Variants in CCDC186 observed in about 807,000 individuals in gnomAD.
CCDC186 encodes coiled-coil domain containing 186, also known as coiled-coil domain-containing protein 186.
Under a neutral mutation model 113.7 loss-of-function variants are expected in CCDC186, and 49 were observed. The ratio of observed to expected loss-of-function variants is 0.43; its 90% CI spans 0.34 to 0.55. The LOEUF (loss-of-function observed/expected upper bound fraction) is 0.55. Among genes scored for constraint, CCDC186 ranks in the 20% least tolerant of loss-of-function variants. The pLI is 0.02. For synonymous variants in CCDC186, 355 were observed against 345.8 expected, an observed-to-expected ratio of 1.03 and a Z score of -0.30; for missense variants, 890 against 1,011.1, an observed-to-expected ratio of 0.88 and a Z score of 1.62.
At chr10:114,133,692 A>G (rs757290119) in intron 10 of CCDC186, among the ~76,000 whole-genome samples, 1 of 152,212 alleles carries the variant, frequency 6.6e-6, no homozygotes. Context: ...TTAAAAGATG[A>G]TAAGAATTCA....
chr10:114,145,805 C>A, intron 4 of CCDC186, 44 bp from the exon 5 acceptor site: 1 of 1,502,366 alleles, frequency 6.7e-7, no homozygotes, highest in South Asian at 1.3e-5. Context: ...AATAATGTTT[C>A]AAATGGAAAT....
chr10:114,151,049 C>T (rs1238162011), intron 4 of CCDC186, 43 bp downstream of exon 4: 1 of 1,601,986 alleles, frequency 6.2e-7, no homozygotes, highest in Non-Finnish European at 8.5e-7. Flanking sequence ...AAACAAGAGT[C>T]ACCAGAATAT....
chr10:114,145,974 T>C (rs555649277), intron 4 of CCDC186, among the ~76,000 whole-genome samples: 1 of 152,334 alleles, frequency 6.6e-6, no homozygotes, highest in African/African-American at 2.4e-5. Flanking sequence ...CTTTACCCTT[T>C]CCTGTTCCTT....
chr10:114,165,685 G>A (rs978545177), intron 1 of CCDC186, among the ~76,000 whole-genome samples: 6 of 151,346 alleles, frequency 4.0e-5, no homozygotes, highest in African/African-American at 1.5e-4. Flanking sequence ...GCGAGACTCT[G>A]TCTCAAAAAA....
intron 3 of CCDC186, among the ~76,000 whole-genome samples, chr10:114,156,590 G>A (rs181937472): frequency 6.6e-6 from 1 of 152,226 alleles, no homozygotes; most frequent in African/African-American, 2.4e-5. Flanking sequence ...GCTGGGTGTG[G>A]TTGGTGGCCG....
At chr10:114,125,265 CAA>C in intron 15 of CCDC186, 39 bp from the exon 16 acceptor site, 1 of 1,415,646 alleles carries the variant, frequency 7.1e-7, no homozygotes, top group Non-Finnish European at 9.8e-7. Flanking sequence ...AAGAGAAAAA[CAA>C]AAGTATAATA....
chr10:114,128,435 C>T (rs1350818688), intron 13 of CCDC186, among the ~76,000 whole-genome samples: 1 of 152,190 alleles, frequency 6.6e-6, no homozygotes, highest in East Asian at 1.9e-4. Context: ...CTTTCTACTA[C>T]ACATTTTTTC....
intron 3 of CCDC186, among the ~76,000 whole-genome samples, chr10:114,156,835 T>G (rs943212560): frequency 1.3e-5 from 2 of 152,028 alleles, no homozygotes; most frequent in African/African-American, 4.8e-5. Context: ...CACAATATAG[T>G]TTTTAAAAAT....
chr10:114,163,099 T>C lies in CCDC186; in HGVS notation c.170A>G (p.Asn57Ser). The change falls in exon 2 of 16, where the codon AAT becomes AGT. Residue 57 changes from asparagine (N) to serine (S), a missense_variant. By Grantham distance (46) the Asn-to-Ser change is conservative. Transcript: ENST00000369287. ...LNTDKTLCQP[N>S]EHNNRIEAQE... ...GGCTTCAATTCGATTATTATGCTCATTAGGTTGACATAAAGTTTTATCAGT... is the reference window on the plus strand; with the variant it reads ...GGCTTCAATTCGATTATTATGCTCACTAGGTTGACATAAAGTTTTATCAGT... 6.2e-7 allele frequency: 1 copy of C among 1,614,042 alleles called. No individual in the cohort carries two copies. Among genetic ancestry groups the C allele is most frequent in the Non-Finnish European group, 8.5e-7 (1 of 1,179,952 alleles).
chr10:114,164,110 A>ATTTT (rs1218024203), intron 1 of CCDC186, among the ~76,000 whole-genome samples: 5 of 103,402 alleles, frequency 4.8e-5, no homozygotes, highest in African/African-American at 1.9e-4. Context: ...GTGTATATAT[A>ATTTT]TATATTTTTT....
intron 1 of CCDC186, among the ~76,000 whole-genome samples, chr10:114,173,587 A>T (rs2119819959): frequency 6.6e-6 from 1 of 152,344 alleles, no homozygotes; most frequent in East Asian, 1.9e-4. Flanking sequence ...TCACAACAGT[A>T]AATATAAAAC....
chr10:114,144,437 A>G, intron 6 of CCDC186, 60 bp downstream of exon 6: 2 of 1,553,540 alleles, frequency 1.3e-6, no homozygotes, highest in Non-Finnish European at 1.7e-6. Context: ...AAAAACAAAA[A>G]CAAAAACAAA....
intron 4 of CCDC186, among the ~76,000 whole-genome samples, chr10:114,147,912 T>C (rs978667445): frequency 6.6e-6 from 1 of 152,108 alleles, no homozygotes; most frequent in Non-Finnish European, 1.5e-5. Context: ...GCAGATCGCC[T>C]GAGCCCAGGA....
intron 6 of CCDC186, among the ~76,000 whole-genome samples, chr10:114,144,000 T>A (rs2031556485): frequency 6.6e-6 from 1 of 152,050 alleles, no homozygotes; most frequent in Admixed American, 6.6e-5. Context: ...TGGAGTCATA[T>A]TTATAAAAAA....
At chr10:114,167,039 A>T (rs1324681011) in intron 1 of CCDC186, among the ~76,000 whole-genome samples, 7 of 119,226 alleles carry the variant, frequency 5.9e-5, no homozygotes, top group Admixed American at 8.9e-5. Flanking sequence ...TTTTTTTTTT[A>T]AAGATGGAGT....
chr10:114,151,148 T>C lies in CCDC186; in HGVS notation c.832A>G (p.Thr278Ala). ...AACTGCTGAACTGCATTTTTAGCTGTAACGTCTTGAGCTATTAGTTGATCT... is the reference window on the plus strand; with the variant it reads ...AACTGCTGAACTGCATTTTTAGCTGCAACGTCTTGAGCTATTAGTTGATCT... ...SRDQLIAQDV[T>A]AKNAVQQLHK... Residue 278 changes from threonine (T) to alanine (A), a missense_variant, in exon 4 of 16, where the codon ACA becomes GCA. Transcript: ENST00000369287. 1 of 1,613,704 alleles carries C rather than the reference T, an allele frequency of 6.2e-7. No individual in the cohort carries two copies. The highest frequency in any genetic ancestry group is 1.1e-5 in the South Asian group (1 of 91,064).
chr10:114,150,546 T>C (rs2031821528), intron 4 of CCDC186, among the ~76,000 whole-genome samples: 2 of 152,262 alleles, frequency 1.3e-5, no homozygotes, highest in African/African-American at 2.4e-5. Flanking sequence ...TATAAAAGGA[T>C]TGTAGGCAGG....
intron 12 of CCDC186, 146 bp from the exon 13 acceptor site, chr10:114,130,117 C>A: frequency 1.8e-6 from 1 of 546,722 alleles, no homozygotes. Context: ...AGGGCTATGT[C>A]ATTCATATAA....
rs555059341 is a variant in CCDC186, at chr10:114,125,996, A to G, written c.2503T>C (p.Tyr835His). The change falls in exon 15 of 16, where the codon TAT becomes CAT. Residue 835 changes from tyrosine (Y) to histidine (H), a missense_variant. Physicochemically the swap from Tyr to His is moderately conservative, Grantham distance 83. Coordinates refer to ENST00000369287, the MANE Select transcript of CCDC186 (RefSeq NM_018017.4). Reference sequence around the variant, plus strand: ...CCATTGTCAGCTGGATGGGATGTATATAAAGATGCCATGATGCCACCCCGT... The same window carrying G: ...CCATTGTCAGCTGGATGGGATGTATGTAAAGATGCCATGATGCCACCCCGT... ...SRRGGIMASLYTSHPADNGLT... is the reference protein window; with the variant it reads ...SRRGGIMASLHTSHPADNGLT... The G allele has an allele frequency of 6.2e-7, 1 of 1,614,080 alleles. No individual in the cohort carries two copies. Among genetic ancestry groups the G allele is most frequent in the African/African-American group, 1.3e-5 (1 of 75,072 alleles).
Sources: gnomAD v4.1 joint callset for allele counts (sites outside exome capture counted in the v4.1 genomes callset) on GRCh38, gnomAD v4.1.1 for gene constraint, MANE v1.5 for transcripts, NCBI Gene and HGNC (gene_info 2026-07-23, HGNC 2026-07-21) for gene names.